The following CSMD2 variants were observed in gnomAD, a reference collection of about 807,000 sequenced individuals.
The protein encoded by CSMD2 is CUB and sushi domain-containing protein 2.
A neutral mutation model predicts 398.5 loss-of-function variants in CSMD2; 130 were observed. The observed-to-expected ratio is 0.33, with a 90% CI of 0.28 to 0.38. CSMD2 has a LOEUF of 0.38. Among genes scored for constraint, CSMD2 ranks in the 10% least tolerant of loss-of-function variants. The pLI is 1.00. For missense variants in CSMD2, 3,829 were observed against 4,764.9 expected (o/e 0.80, Z 5.78); for synonymous variants, 1,828 against 1,908.5 (o/e 0.96, Z 1.10).
intron 3 of CSMD2, among the ~76,000 whole-genome samples, chr1:33,969,091 C>G (rs1645663093): frequency 6.6e-6 from 1 of 152,128 alleles, no homozygotes; most frequent in East Asian, 1.9e-4. Context: ...CGGTGGGAGT[C>G]AGTGAGATCA....
chr1:33,556,702 C>T (rs935273932), intron 55 of CSMD2, among the ~76,000 whole-genome samples: 34 of 152,150 alleles, frequency 2.2e-4, no homozygotes, highest in African/African-American at 8.0e-4. Context: ...CCATAATCTC[C>T]ACGTGTTGTG....
chr1:34,018,358 C>T (rs903171276), intron 3 of CSMD2, among the ~76,000 whole-genome samples: 5 of 152,350 alleles, frequency 3.3e-5, no homozygotes, highest in Non-Finnish European at 7.3e-5. Flanking sequence ...TCAACACTTT[C>T]ATGCATATAA....
intron 1 of CSMD2, among the ~76,000 whole-genome samples, chr1:34,146,977 G>T (rs142511983): frequency 6.6e-6 from 1 of 152,180 alleles, no homozygotes; most frequent in African/African-American, 2.4e-5. Flanking sequence ...AAAGGATAAG[G>T]CCTGGCGCGG....
intron 58 of CSMD2, 112 bp from the exon 59 acceptor site, chr1:33,541,421 G>A (rs1387037176): frequency 1.2e-6 from 1 of 802,248 alleles, no homozygotes; most frequent in East Asian, 2.5e-5. Flanking sequence ...TGTCAGATCA[G>A]GGATGCCCTG....
intron 3 of CSMD2, among the ~76,000 whole-genome samples, chr1:33,953,617 T>TA (rs1645074348): frequency 6.6e-6 from 1 of 152,160 alleles, no homozygotes; most frequent in African/African-American, 2.4e-5. Flanking sequence ...AGGGATCTTT[T>TA]GAGAGAAGAT....
In CSMD2 at chr1:33,557,911, T is replaced by C. The variant is rs1658187009; in HGVS notation, c.8566A>G (p.Thr2856Ala). 17 of 1,535,840 alleles carry C rather than the reference T, an allele frequency of 1.1e-5. No individual in the cohort carries two copies. The highest frequency in any genetic ancestry group is 1.4e-5 in the Non-Finnish European group (16 of 1,146,612). Residue 2856 changes from threonine to alanine, a missense_variant, in exon 55 of 71, where the codon ACA (threonine) becomes GCA (alanine). Physicochemically the swap from Thr to Ala is moderately conservative, Grantham distance 58 (BLOSUM62 0). Coordinates refer to ENST00000373381, the MANE Select transcript of CSMD2 (RefSeq NM_001281956.2). ...CTATTTTCTTGGTGTCCAGGATCTG[T>C]ACAGTTGATGACTGCAATTGAACAG... ...MLPTCRIINC[T>A]DPGHQENSVR... is the part of the protein sequence containing the mutation.
intron 5 of CSMD2, among the ~76,000 whole-genome samples, chr1:33,877,955 T>G (rs1640955087): frequency 6.6e-6 from 1 of 151,972 alleles, no homozygotes; most frequent in South Asian, 2.1e-4. Context: ...GACTGATGAG[T>G]GGAGCCAATC....
intron 3 of CSMD2, among the ~76,000 whole-genome samples, chr1:33,938,812 ACAC>A (rs1644571004): frequency 8.4e-5 from 11 of 130,328 alleles, no homozygotes; most frequent in East Asian, 2.4e-4. Flanking sequence ...CCATGATCCC[ACAC>A]TGCTGGCTTA....
intron 25 of CSMD2, among the ~76,000 whole-genome samples, chr1:33,691,358 G>T (rs1645233568): frequency 6.6e-6 from 1 of 152,178 alleles, no homozygotes; most frequent in South Asian, 2.1e-4. Flanking sequence ...GTGCCGTGCA[G>T]GATGAATGTG....
chr1:33,626,476 T>C lies in CSMD2; in HGVS notation c.5296+10A>G. ...CACCTTCCTACCTCCGGCGTCCATG[T>C]CCTCCATACCTTGGTAGACAAAGTG... On this transcript the variant is annotated intron_variant, in intron 33 of 70. Coordinates refer to ENST00000373381, the MANE Select transcript of CSMD2 (RefSeq NM_001281956.2). 1.3e-6 allele frequency: 2 copies of C among 1,589,594 alleles called. No individual in the cohort carries two copies. Among genetic ancestry groups the C allele is most frequent in the Non-Finnish European group, 1.7e-6 (2 of 1,168,406 alleles).
At chr1:33,525,190 C>T in intron 65 of CSMD2, 147 bp from the exon 66 acceptor site, 1 of 813,072 alleles carries the variant, frequency 1.2e-6, no homozygotes, top group South Asian at 1.7e-5. Flanking sequence ...AATGCTCTGG[C>T]CTCTTCTCGT....
chr1:33,630,831 A>G (rs918349251), intron 32 of CSMD2, among the ~76,000 whole-genome samples: 3 of 152,192 alleles, frequency 2.0e-5, no homozygotes, highest in African/African-American at 7.2e-5. Context: ...AAAAGAGTAA[A>G]CAACACCATG....
intron 2 of CSMD2, among the ~76,000 whole-genome samples, chr1:34,036,083 T>G (rs550365260): frequency 6.6e-6 from 1 of 152,032 alleles, no homozygotes; most frequent in East Asian, 1.9e-4. Flanking sequence ...TGCAAAAACA[T>G]GCAGCCACTC....
intron 33 of CSMD2, among the ~76,000 whole-genome samples, chr1:33,626,037 C>T (rs547341691): frequency 2.6e-5 from 4 of 152,330 alleles, no homozygotes; most frequent in Non-Finnish European, 4.4e-5. Context: ...TGAGGCCTGG[C>T]GTAGCTGGAG....
chr1:33,755,742 T>C (rs1224831502), intron 13 of CSMD2, among the ~76,000 whole-genome samples: 2 of 152,164 alleles, frequency 1.3e-5, no homozygotes, highest in Non-Finnish European at 2.9e-5. Context: ...ACTCCTGGGC[T>C]AAAAGTGATC....
intron 25 of CSMD2, among the ~76,000 whole-genome samples, chr1:33,692,165 A>C (rs1645262436): frequency 6.6e-6 from 1 of 152,234 alleles, no homozygotes; most frequent in African/African-American, 2.4e-5. Flanking sequence ...GCAGGGAGTT[A>C]ATAAGGTAGG....
chr1:33,690,841 G>A (rs1397588634), intron 25 of CSMD2, among the ~76,000 whole-genome samples: 2 of 152,166 alleles, frequency 1.3e-5, no homozygotes, highest in Non-Finnish European at 2.9e-5. Flanking sequence ...GATGAATCAG[G>A]CAGAGACCAC....
At chr1:33,828,670 G>A (rs1659102812) in intron 6 of CSMD2, among the ~76,000 whole-genome samples, 1 of 152,086 alleles carries the variant, frequency 6.6e-6, no homozygotes, top group African/African-American at 2.4e-5. Context: ...CTAAGAGGGA[G>A]CCTCCCCTTC....
intron 33 of CSMD2, 67 bp from the exon 34 acceptor site, chr1:33,625,321 A>C: frequency 7.0e-7 from 1 of 1,430,072 alleles, no homozygotes; most frequent in Non-Finnish European, 9.6e-7. Flanking sequence ...ACGGACATAC[A>C]ACGGGTCTGG....
Sources: gnomAD v4.1 joint callset for allele counts (sites outside exome capture counted in the v4.1 genomes callset) on GRCh38, gnomAD v4.1.1 for gene constraint, MANE v1.5 for transcripts, NCBI Gene and HGNC (gene_info 2026-07-23, HGNC 2026-07-21) for gene names.